ZNF423: variants seen among roughly 807,000 people sequenced by gnomAD.
The protein encoded by ZNF423 is zinc finger protein 423.
Under a neutral mutation model 95.8 loss-of-function variants are expected in ZNF423, and 12 were observed. The observed-to-expected ratio is 0.13, with a 90% CI of 0.08 to 0.20. The LOEUF is 0.20. Among genes scored for constraint, ZNF423 ranks in the 10% least tolerant of loss-of-function variants. ZNF423 has a pLI of 1.00. For missense variants in ZNF423, 1,316 were observed against 1,737.1 expected (o/e 0.76, Z 4.31); for synonymous variants, 749 against 711.9 (o/e 1.05, Z -0.83).
At chr16:49,641,210 A>T (rs941998758) in intron 3 of ZNF423, among the ~76,000 whole-genome samples, 1 of 152,226 alleles carries the variant, frequency 6.6e-6, no homozygotes, top group Non-Finnish European at 1.5e-5. Context: ...CTGGGAAATG[A>T]CAGTGCCAGA....
chr16:49,768,413 G>A (rs986209496), intron 2 of ZNF423, among the ~76,000 whole-genome samples: 3 of 152,180 alleles, frequency 2.0e-5, no homozygotes, highest in East Asian at 1.9e-4. Context: ...CCTTCCACAC[G>A]TCTCCTGCAA....
At chr16:49,679,694 T>C (rs1362165672) in intron 3 of ZNF423, among the ~76,000 whole-genome samples, 1 of 152,152 alleles carries the variant, frequency 6.6e-6, no homozygotes, top group Non-Finnish European at 1.5e-5. Flanking sequence ...GTGGATGATA[T>C]GATTGATGGT....
At chr16:49,563,107 T>C (rs1970071769) in intron 5 of ZNF423, among the ~76,000 whole-genome samples, 1 of 152,192 alleles carries the variant, frequency 6.6e-6, no homozygotes, top group South Asian at 2.1e-4. Flanking sequence ...ATTTTACATG[T>C]CACTATAGTT....
intron 1 of ZNF423, among the ~76,000 whole-genome samples, chr16:49,841,611 T>C (rs1027270736): frequency 6.6e-6 from 1 of 152,222 alleles, no homozygotes; most frequent in Admixed American, 6.5e-5. Flanking sequence ...AGGCTTTACC[T>C]GATTCCCCTA....
chr16:49,582,416 A>G (rs980103830), intron 5 of ZNF423, among the ~76,000 whole-genome samples: 2 of 152,240 alleles, frequency 1.3e-5, no homozygotes, highest in Non-Finnish European at 2.9e-5. Flanking sequence ...CTTTTACTTC[A>G]TCCAGAAAGG....
chr16:49,585,420 A>T (rs1208581114), intron 5 of ZNF423, among the ~76,000 whole-genome samples: 1 of 152,190 alleles, frequency 6.6e-6, no homozygotes, highest in East Asian at 1.9e-4. Context: ...CCACACCCAT[A>T]GCCGCTGTAC....
intron 1 of ZNF423, among the ~76,000 whole-genome samples, chr16:49,851,825 C>T (rs547994648): frequency 6.6e-6 from 1 of 152,098 alleles, no homozygotes; most frequent in Non-Finnish European, 1.5e-5. Context: ...AATTACTAGA[C>T]GTAAAGGATG....
chr16:49,833,915 G>A (rs534211962), intron 1 of ZNF423, among the ~76,000 whole-genome samples: 25 of 152,250 alleles, frequency 1.6e-4, no homozygotes, highest in African/African-American at 5.1e-4. Context: ...TCCTGTACTC[G>A]GTCAGGCCAC....
At chr16:49,573,061 C>G (rs995751329) in intron 5 of ZNF423, among the ~76,000 whole-genome samples, 1 of 151,988 alleles carries the variant, frequency 6.6e-6, no homozygotes, top group African/African-American at 2.4e-5. Flanking sequence ...AGCAAATGGG[C>G]GAGTGAATGG....
intron 2 of ZNF423, among the ~76,000 whole-genome samples, chr16:49,751,805 G>T (rs946758471): frequency 1.3e-5 from 2 of 152,120 alleles, no homozygotes; most frequent in African/African-American, 4.8e-5. Flanking sequence ...TGCCAACTCA[G>T]CAACTATGAC....
intron 1 of ZNF423, among the ~76,000 whole-genome samples, chr16:49,820,131 C>T (rs923344489): frequency 4.6e-5 from 7 of 151,834 alleles, no homozygotes; most frequent in African/African-American, 1.7e-4. Flanking sequence ...GACGGACGGA[C>T]GGACAGACAG....
intron 1 of ZNF423, among the ~76,000 whole-genome samples, chr16:49,811,881 C>A (rs1474816220): frequency 1.3e-5 from 2 of 152,166 alleles, no homozygotes; most frequent in African/African-American, 4.8e-5. Context: ...CCACCGCCAG[C>A]CAGAAAGAGA....
chr16:49,595,146 G>A (rs1033785411), intron 5 of ZNF423, among the ~76,000 whole-genome samples: 3 of 152,108 alleles, frequency 2.0e-5, no homozygotes, highest in Non-Finnish European at 2.9e-5. Context: ...AGGTGGGGGT[G>A]GGGGGGTCTC....
intron 1 of ZNF423, among the ~76,000 whole-genome samples, chr16:49,818,209 T>C (rs181809113): frequency 4.6e-5 from 7 of 152,236 alleles, no homozygotes; most frequent in Non-Finnish European, 1.0e-4. Context: ...CACCCACACC[T>C]ACCTTTCCTA....
Position 49,575,346 on chromosome 16 carries a change from C to T in ZNF423, c.3602-49852G>A, listed in dbSNP as rs1322560980. Among the ~76,000 whole-genome samples the T allele has an allele frequency of 2.0e-5, 3 of 152,108 alleles. No homozygotes were observed. In the South Asian group the frequency reaches 6.2e-4, roughly 32 times the overall value. On this transcript the variant is annotated intron_variant, in intron 5 of 7. Transcript: ENST00000563137. ...ACGGGGAGTCCTGGCGGGTATTTAG[C>T]TCCTAATTTAAGCTCCACTAAACAA... is the stretch of plus-strand genomic sequence containing the variant.
chr16:49,664,286 G>A (rs974185899), intron 3 of ZNF423: 18 of 985,808 alleles, frequency 1.8e-5, no homozygotes, highest in Middle Eastern at 5.2e-4. Context: ...AGGATGGGCC[G>A]AGGGTGTGCT....
intron 3 of ZNF423, among the ~76,000 whole-genome samples, chr16:49,688,254 T>C (rs1263971193): frequency 6.6e-6 from 1 of 152,030 alleles, no homozygotes; most frequent in Non-Finnish European, 1.5e-5. Context: ...CACAAACTCC[T>C]CCTTTTTCTA....
intron 2 of ZNF423, among the ~76,000 whole-genome samples, chr16:49,788,438 C>T (rs747225476): frequency 2.0e-5 from 3 of 152,228 alleles, no homozygotes; most frequent in Non-Finnish European, 4.4e-5. Flanking sequence ...CATCGTAAGT[C>T]ACAAATGTCT....
At chr16:49,550,993 G>A (rs1301087372) in intron 5 of ZNF423, among the ~76,000 whole-genome samples, 1 of 152,230 alleles carries the variant, frequency 6.6e-6, no homozygotes, top group African/African-American at 2.4e-5. Flanking sequence ...AGAGACAGAG[G>A]AGGAAACAGG....
Sources: gnomAD v4.1 joint callset for allele counts (sites outside exome capture counted in the v4.1 genomes callset) on GRCh38, gnomAD v4.1.1 for gene constraint, MANE v1.5 for transcripts, NCBI Gene and HGNC (gene_info 2026-07-23, HGNC 2026-07-21) for gene names.